The following NTM variants were observed in gnomAD, a reference collection of about 807,000 sequenced individuals.
The protein encoded by NTM is neurotrimin.
A neutral mutation model predicts 42.1 loss-of-function variants in NTM; 13 were observed. That is an observed-to-expected ratio of 0.31 (90% CI 0.20 to 0.49). The LOEUF is 0.49. Among genes scored for constraint, NTM ranks in the 20% least tolerant of loss-of-function variants. The probability of loss-of-function intolerance (pLI) is 0.99; values close to 1 mark genes in which losing one functional copy is unlikely to be tolerated. For missense variants in NTM, 373 were observed against 452.8 expected, an observed-to-expected ratio of 0.82 and a Z score of 1.60; for synonymous variants, 187 against 179.2, an observed-to-expected ratio of 1.04 and a Z score of -0.35.
At chr11:132,213,670 G>A (rs534049599) in intron 4 of NTM, among the ~76,000 whole-genome samples, 2 of 152,234 alleles carry the variant, frequency 1.3e-5, no homozygotes, top group East Asian at 1.9e-4. Context: ...TCTCAGAGAA[G>A]GCGTGACATT....
chr11:131,711,893 A>G (rs1163064090), intron 1 of NTM, among the ~76,000 whole-genome samples: 2 of 149,448 alleles, frequency 1.3e-5, no homozygotes, highest in African/African-American at 4.9e-5. Flanking sequence ...AAAAAAACCA[A>G]ACACCGCATG....
chr11:131,764,881 T>C lies in NTM; in HGVS notation c.83-146683T>C, dbSNP rs530030429. Among the ~76,000 whole-genome samples the C allele has an allele frequency of 1.1e-4, 16 of 152,240 alleles. No homozygotes were observed. In the South Asian group the frequency reaches 3.3e-3, roughly 32 times the overall value. ...TAAAGAGAGCTAACCTCTAACACAA[T>C]GAGTGATCACTATGTGCTGGACAAG... On this transcript the variant is annotated intron_variant, in intron 1 of 8. Coordinates refer to ENST00000683400, the MANE Select transcript of NTM (RefSeq NM_001352005.2).
At chr11:132,283,873 C>A (rs1358797053) in intron 4 of NTM, among the ~76,000 whole-genome samples, 2 of 152,106 alleles carry the variant, frequency 1.3e-5, no homozygotes, top group South Asian at 2.1e-4. Context: ...TAAGCTCTTG[C>A]CCAGGCCCCA....
intron 1 of NTM, among the ~76,000 whole-genome samples, chr11:131,663,967 C>G (rs1446743123): frequency 6.6e-6 from 1 of 152,166 alleles, no homozygotes; most frequent in Non-Finnish European, 1.5e-5. Flanking sequence ...AGTATTTGTG[C>G]ACTTAACTGC....
At chr11:131,414,278 G>A (rs1946721844) in intron 1 of NTM, among the ~76,000 whole-genome samples, 2 of 152,172 alleles carry the variant, frequency 1.3e-5, no homozygotes, top group Non-Finnish European at 2.9e-5. Flanking sequence ...TTTTCTTTGA[G>A]CAGAGGCTGG....
intron 1 of NTM, chr11:131,539,096 C>T (rs1371636063): frequency 6.6e-6 from 1 of 151,958 alleles, no homozygotes; most frequent in African/African-American, 2.4e-5. Flanking sequence ...CCATACCCAG[C>T]TAATTTTTGT....
intron 1 of NTM, among the ~76,000 whole-genome samples, chr11:131,516,848 G>A (rs769237021): frequency 6.6e-6 from 1 of 152,172 alleles, no homozygotes; most frequent in Admixed American, 6.5e-5. Flanking sequence ...TAGTGGTAAC[G>A]AATCTTTGTG....
At chr11:131,965,137 G>A (rs926125631) in intron 2 of NTM, among the ~76,000 whole-genome samples, 8 of 152,100 alleles carry the variant, frequency 5.3e-5, no homozygotes, top group Non-Finnish European at 8.8e-5. Flanking sequence ...CTCCGAAAAC[G>A]ATGAAGTGCA....
intron 7 of NTM, among the ~76,000 whole-genome samples, chr11:132,325,382 A>G (rs2095657627): frequency 6.6e-6 from 1 of 152,252 alleles, no homozygotes; most frequent in Non-Finnish European, 1.5e-5. Flanking sequence ...TTCTCAAAAG[A>G]AGAGATTTAT....
At chr11:132,323,388 C>A (rs1462969449) in intron 7 of NTM, among the ~76,000 whole-genome samples, 1 of 151,820 alleles carries the variant, frequency 6.6e-6, no homozygotes, top group African/African-American at 2.4e-5. Context: ...TCAGAGAATA[C>A]TACAAACACC....
rs199629000 is a variant in NTM, at chr11:132,112,395, AAG to A, written c.168-33885_168-33884del. Among the ~76,000 whole-genome samples the A allele has an allele frequency of 6.5e-3, 996 of 152,332 alleles. 9 individuals are homozygous for A. Among genetic ancestry groups the A allele is most frequent in the African/African-American group, 0.021 (893 of 41,576 alleles). ...TAAGGAAGAAAGAAAAAAATGAAGA[AAG>A]ACATTTTCAGAAACCATTCCCTTAG... On this transcript the variant is annotated intron_variant, in intron 2 of 8. Coordinates refer to ENST00000683400, the MANE Select transcript of NTM (RefSeq NM_001352005.2).
chr11:132,299,090 T>C (rs768808350), intron 4 of NTM, among the ~76,000 whole-genome samples: 20 of 152,092 alleles, frequency 1.3e-4, no homozygotes, highest in Non-Finnish European at 2.6e-4. Flanking sequence ...GGTCAGGAGG[T>C]CGAGACCATC....
intron 1 of NTM, among the ~76,000 whole-genome samples, chr11:131,579,340 C>G (rs999626724): frequency 6.6e-6 from 1 of 152,096 alleles, no homozygotes; most frequent in Non-Finnish European, 1.5e-5. Context: ...TGTAAGTTTC[C>G]CACAAGTTAC....
intron 2 of NTM, among the ~76,000 whole-genome samples, chr11:132,040,378 G>A (rs2077029421): frequency 6.6e-6 from 1 of 152,212 alleles, no homozygotes; most frequent in Non-Finnish European, 1.5e-5. Context: ...GGATATTTCT[G>A]AAGGATTCTA....
At chr11:131,987,421 A>ATTCTATTCTATTCTG (rs1555206564) in intron 2 of NTM, among the ~76,000 whole-genome samples, 7 of 139,490 alleles carry the variant, frequency 5.0e-5, no homozygotes, top group South Asian at 4.8e-4. Flanking sequence ...ATTCTATTCT[A>ATTCTATTCTATTCTG]TTCTATTCTA....
At chr11:132,274,198 ATTTTT>A (rs2093621257) in intron 4 of NTM, among the ~76,000 whole-genome samples, 1 of 151,382 alleles carries the variant, frequency 6.6e-6, no homozygotes, top group Non-Finnish European at 1.5e-5. Flanking sequence ...TTTTAAATTT[ATTTTT>A]TATTTCATTA....
In NTM at chr11:132,261,183, A is replaced by G. The variant is rs550572527; in HGVS notation, c.527-46506A>G. 2.0e-5 allele frequency among the ~76,000 whole-genome samples: 3 copies of G among 152,030 alleles called. No individual in the cohort carries two copies. The East Asian group carries it at 5.8e-4, about 29-fold the overall frequency. ...AGGTGGGCTTTTTATGGAGATAAGA[A>G]CTCTTTGGCCAAGAGAGTAGAGGTG... On this transcript the variant is annotated intron_variant, in intron 4 of 8. Transcript: ENST00000683400.
chr11:132,273,317 T>TG (rs1284191846), intron 4 of NTM, among the ~76,000 whole-genome samples: 400 of 142,466 alleles, frequency 2.8e-3, no homozygotes, highest in African/African-American at 8.5e-3. Flanking sequence ...GTGTTTTTTT[T>TG]TTTTTTTTTT....
intron 1 of NTM, among the ~76,000 whole-genome samples, chr11:131,786,023 A>G (rs1028539330): frequency 8.5e-5 from 13 of 152,174 alleles, no homozygotes; most frequent in African/African-American, 3.1e-4. Flanking sequence ...GAGGAGACAG[A>G]CAGAAGGCTA....
Sources: gnomAD v4.1 joint callset for allele counts (sites outside exome capture counted in the v4.1 genomes callset) on GRCh38, gnomAD v4.1.1 for gene constraint, MANE v1.5 for transcripts, NCBI Gene and HGNC (gene_info 2026-07-23, HGNC 2026-07-21) for gene names.